HSPA9: variants seen among roughly 807,000 people sequenced by gnomAD.
HSPA9 encodes the protein heat shock protein family A (Hsp70) member 9, also known as stress-70 protein, mitochondrial.
Under a neutral mutation model 81.5 loss-of-function variants are expected in HSPA9, and 28 were observed. That is an observed-to-expected ratio of 0.34 (90% CI 0.25 to 0.47). The LOEUF (loss-of-function observed/expected upper bound fraction) is 0.47. Among genes scored for constraint, HSPA9 ranks in the 20% least tolerant of loss-of-function variants. The pLI, the probability that HSPA9 is intolerant of heterozygous loss-of-function variation, is 1.00. For missense variants in HSPA9, 678 were observed against 838.0 expected, an observed-to-expected ratio of 0.81 and a Z score of 2.36; for synonymous variants, 293 against 290.4, an observed-to-expected ratio of 1.01 and a Z score of -0.09.
At chr5:138,573,973 T>C (rs1248572634) in intron 2 of HSPA9, 95 bp downstream of exon 2, 7 of 1,249,716 alleles carry the variant, frequency 5.6e-6, no homozygotes, top group Middle Eastern at 1.9e-4. Context: ...TAAATACAGA[T>C]AAATAATTAC....
At chr5:138,567,779 G>C (rs1342089123) in intron 5 of HSPA9, 57 bp from the exon 6 acceptor site, 1 of 1,268,208 alleles carries the variant, frequency 7.9e-7, no homozygotes, top group African/African-American at 1.5e-5. Context: ...TATTAATATA[G>C]CCCAACAACC....
At position 138,557,880 on chromosome 5, in the gene HSPA9, C is replaced by A; in HGVS notation, c.1622G>T (p.Arg541Leu). The A allele has an allele frequency of 1.2e-6, 2 of 1,604,068 alleles. No homozygotes were observed. The highest frequency in any genetic ancestry group is 1.7e-6 in the Non-Finnish European group (2 of 1,172,582). The part of the protein sequence containing the change: ...HVSAKDKGTG[R>L]EQQIVIQSSG... ...ACAAGGTGACTTACTCTGCTGCTCA[C>A]GTCCTGTGCCTTTATCTTTAGCAGA... is the stretch of plus-strand genomic sequence containing the variant. The change falls in exon 13 of 17, where the codon CGT becomes CTT. Residue 541 changes from arginine to leucine, a missense_variant. Physicochemically the swap from Arg to Leu is moderately radical, Grantham distance 102 (BLOSUM62 -2). This residue lies in a region of HSPA9 where 484 missense variants were observed against 647.5 expected (regional missense o/e 0.75). Transcript: ENST00000297185.
rs1015448936 is a variant in HSPA9, at chr5:138,554,387, TAA to T, written c.*1648_*1649del. 2.6e-5 allele frequency among the ~76,000 whole-genome samples: 4 copies of T among 152,308 alleles called. No individual in the cohort carries two copies. The highest frequency in any genetic ancestry group is 7.2e-5 in the African/African-American group (3 of 41,578). On this transcript the variant is annotated 3_prime_UTR_variant, in exon 17 of 17. Coordinates refer to ENST00000297185, the MANE Select transcript of HSPA9 (RefSeq NM_004134.7). ...GTGGGCAAGGGCCAACCAAAAATGC[TAA>T]AAGTTATTTTCCAACACACCATATA...
intron 11 of HSPA9, 193 bp downstream of exon 11, chr5:138,559,671 G>C (rs1418178884): frequency 3.4e-6 from 2 of 584,462 alleles, no homozygotes; most frequent in South Asian, 3.9e-5. Flanking sequence ...TAACATGTAA[G>C]AACTTTTCTG....
Position 138,570,597 on chromosome 5 carries a change from C to T in HSPA9, c.410+363G>A, listed in dbSNP as rs182079198. On this transcript the variant is annotated intron_variant, in intron 4 of 16. Coordinates refer to ENST00000297185, the MANE Select transcript of HSPA9 (RefSeq NM_004134.7). Reference sequence around the variant, plus strand: ...GTCTCCCGGGTTCAAGTGATTCTCCCGTCTCAGCCTCCTGAGTAGCCGGGA... The same window carrying T: ...GTCTCCCGGGTTCAAGTGATTCTCCTGTCTCAGCCTCCTGAGTAGCCGGGA... Among the ~76,000 whole-genome samples, 10 of 152,226 alleles carry T rather than the reference C, an allele frequency of 6.6e-5. No homozygotes were observed. The East Asian group carries it at 7.8e-4, about 12-fold the overall frequency.
At chr5:138,556,698 C>G in intron 15 of HSPA9, 76 bp downstream of exon 15, 1 of 1,559,328 alleles carries the variant, frequency 6.4e-7, no homozygotes, top group Non-Finnish European at 8.8e-7. Flanking sequence ...CCTATCAAAA[C>G]CCACAGAAAA....
intron 11 of HSPA9, 22 bp from the exon 12 acceptor site, chr5:138,558,679 T>A (rs1428035385): frequency 6.8e-7 from 1 of 1,470,208 alleles, no homozygotes; most frequent in African/African-American, 1.4e-5. Context: ...GAAACCCTCC[T>A]GGGTTGTCAA....
At chr5:138,566,809 T>C (rs1429065391) in intron 8 of HSPA9, 91 bp from the exon 9 acceptor site, 10 of 1,141,140 alleles carry the variant, frequency 8.8e-6, no homozygotes, top group Non-Finnish European at 1.3e-5. Context: ...CAAAATGGAG[T>C]CATACCTTTA....
At chr5:138,566,857 G>T in intron 8 of HSPA9, 139 bp from the exon 9 acceptor site, 1 of 1,136,336 alleles carries the variant, frequency 8.8e-7, no homozygotes, top group Non-Finnish European at 1.3e-6. Context: ...CCCTTAATGT[G>T]TAGGGAAAAA....
At position 138,575,293 on chromosome 5, in the gene HSPA9, G is replaced by C. The variant is rs770215061; in HGVS notation, c.26C>G (p.Ala9Gly). The C allele has an allele frequency of 4.3e-6, 7 of 1,612,150 alleles. No individual in the cohort carries two copies. The highest frequency in any genetic ancestry group is 5.9e-6 in the Non-Finnish European group (7 of 1,179,570). Residue 9 changes from alanine to glycine, a missense_variant, in exon 1 of 17, where the codon GCA becomes GGA. Transcript: ENST00000297185. ...GGCTGCGGCGCCCACGAGACGGGCT[G>C]CTGCAGCTCGGCTGGCACTTATCAT... is the stretch of plus-strand genomic sequence containing the variant. MISASRAA[A>G]ARLVGAAASR... is the part of the protein sequence containing the mutation.
intron 10 of HSPA9, chr5:138,561,174 C>T (rs898253443): frequency 1.0e-4 from 43 of 423,696 alleles, no homozygotes; most frequent in African/African-American, 8.2e-4. Flanking sequence ...TGGCCGGGGG[C>T]GGGGTATTAC....
Position 138,575,342 on chromosome 5 carries a change from G to A in HSPA9, c.-24C>T, listed in dbSNP as rs1751070124. ...ATGGCGGATAAATGGAGGAGTACGA[G>A]GCAGCAAACAAGCGCTCCGACGGCA... On this transcript the variant is annotated 5_prime_UTR_variant, in exon 1 of 17. Coordinates refer to ENST00000297185, the MANE Select transcript of HSPA9 (RefSeq NM_004134.7). The A allele has an allele frequency of 7.5e-6, 12 of 1,597,506 alleles. No homozygotes were observed. Among genetic ancestry groups the A allele is most frequent in the Non-Finnish European group, 9.4e-6 (11 of 1,167,222 alleles).
intron 6 of HSPA9, 27 bp from the exon 7 acceptor site, chr5:138,567,588 T>G (rs764345072): frequency 1.2e-6 from 2 of 1,610,388 alleles, no homozygotes; most frequent in African/African-American, 1.3e-5. Flanking sequence ...GAAAAACATT[T>G]TTGTACCCTT....
chr5:138,562,334 G>T (rs1750679208), intron 9 of HSPA9, among the ~76,000 whole-genome samples: 1 of 150,518 alleles, frequency 6.6e-6, no homozygotes, highest in African/African-American at 2.4e-5. Flanking sequence ...TGGATCACGA[G>T]GTCAGGAGAT....
At chr5:138,572,057 G>A (rs1428792478) in intron 3 of HSPA9, among the ~76,000 whole-genome samples, 2 of 148,556 alleles carry the variant, frequency 1.3e-5, no homozygotes, top group Non-Finnish European at 3.0e-5. Flanking sequence ...GCCAGCCTCA[G>A]CTGATCCTCC....
intron 1 of HSPA9, 40 bp downstream of exon 1, chr5:138,575,198 C>G: frequency 6.9e-7 from 1 of 1,442,846 alleles, no homozygotes; most frequent in Non-Finnish European, 9.6e-7. Flanking sequence ...GCCCAAGGCC[C>G]GAGGCCGTGA....
chr5:138,556,645 CAAGTAG>C (rs1330214274), intron 15 of HSPA9, 53 bp from the exon 16 acceptor site: 1 of 1,593,520 alleles, frequency 6.3e-7, no homozygotes, highest in South Asian at 1.1e-5. Flanking sequence ...TGTACCATTA[CAAGTAG>C]AAGTACTATT....
intron 11 of HSPA9, chr5:138,558,926 A>G (rs965575268): frequency 2.5e-6 from 1 of 400,690 alleles, no homozygotes; most frequent in Non-Finnish European, 4.7e-6. Context: ...AAAATGTTGA[A>G]ACATGCTCAT....
At position 138,575,302 on chromosome 5, in the gene HSPA9, C is replaced by T. The variant is rs767716318; in HGVS notation, c.17G>A (p.Arg6Gln). 6.2e-7 allele frequency: 1 copy of T among 1,612,110 alleles called. No homozygotes were observed. Among genetic ancestry groups the T allele is most frequent in the Non-Finnish European group, 8.5e-7 (1 of 1,179,522 alleles). MISAS[R>Q]AAAARLVGAA... ...GCCCACGAGACGGGCTGCTGCAGCT[C>T]GGCTGGCACTTATCATGGCGGATAA... is the stretch of plus-strand genomic sequence containing the variant. The change falls in exon 1 of 17, where the codon CGA becomes CAA. Residue 6 changes from arginine (R) to glutamine (Q), a missense_variant. Physicochemically the swap from Arg to Gln is conservative, Grantham distance 43 (BLOSUM62 1). Coordinates refer to ENST00000297185, the MANE Select transcript of HSPA9 (RefSeq NM_004134.7).
Sources: gnomAD v4.1 joint callset for allele counts (sites outside exome capture counted in the v4.1 genomes callset) on GRCh38, gnomAD v4.1.1 for gene constraint, gnomAD v4.1.1 regional missense constraint, MANE v1.5 for transcripts, NCBI Gene and HGNC (gene_info 2026-07-23, HGNC 2026-07-21) for gene names.